The following SLC17A5 variants were observed in gnomAD, a reference collection of about 807,000 sequenced individuals.
SLC17A5 encodes the protein solute carrier family 17 member 5.
SLC17A5 carries 47 observed loss-of-function variants against 59.4 expected under a neutral mutation model. That is an observed-to-expected ratio of 0.79 (90% CI 0.63 to 1.01). The LOEUF is 1.01. Among genes scored for constraint, SLC17A5 ranks in the 50% least tolerant of loss-of-function variants. The pLI is 0.00. For synonymous variants in SLC17A5, 202 were observed against 210.7 expected (o/e 0.96, Z 0.36); for missense variants, 522 against 595.5 (o/e 0.88, Z 1.28).
chr6:73,602,459 A>G (rs1268027927), intron 9 of SLC17A5, among the ~76,000 whole-genome samples: 1 of 151,552 alleles, frequency 6.6e-6, no homozygotes, highest in East Asian at 1.9e-4. Context: ...ATTAACAACA[A>G]CAACAACAAC....
At chr6:73,647,964 G>A (rs1769661506) in intron 1 of SLC17A5, among the ~76,000 whole-genome samples, 1 of 152,150 alleles carries the variant, frequency 6.6e-6, no homozygotes, top group African/African-American at 2.4e-5. Context: ...AGCTACTCGG[G>A]AGGTTGAGGC....
At chr6:73,617,328 C>A (rs903775437) in intron 7 of SLC17A5, among the ~76,000 whole-genome samples, 30 of 151,684 alleles carry the variant, frequency 2.0e-4, no homozygotes, top group African/African-American at 7.0e-4. Flanking sequence ...GAAAAAAAAA[C>A]ACAATTCCAT....
chr6:73,619,798 ATATTT>A (rs1316043991), intron 7 of SLC17A5, among the ~76,000 whole-genome samples: 2 of 152,094 alleles, frequency 1.3e-5, no homozygotes, highest in Non-Finnish European at 2.9e-5. Context: ...CCAGCTATTG[ATATTT>A]TATTTCTTCC....
intron 9 of SLC17A5, among the ~76,000 whole-genome samples, chr6:73,604,089 C>T (rs141900305): frequency 7.9e-5 from 12 of 152,166 alleles, no homozygotes; most frequent in Non-Finnish European, 1.2e-4. Context: ...TTGGCTCATC[C>T]CCTTTAGGGG....
rs548244218 is a variant in SLC17A5, at chr6:73,636,940, G to A, written c.614-233C>T. On this transcript the variant is annotated intron_variant, in intron 4 of 10. Coordinates refer to ENST00000355773, the MANE Select transcript of SLC17A5 (RefSeq NM_012434.5). ...TACTAAAAATACAAAAATTATCTGGGTATGGTGGTGATGCACGCCTGTAGT... is the reference window on the plus strand; with the variant it reads ...TACTAAAAATACAAAAATTATCTGGATATGGTGGTGATGCACGCCTGTAGT... 2.0e-5 allele frequency among the ~76,000 whole-genome samples: 3 copies of A among 152,126 alleles called. No individual in the cohort carries two copies. The South Asian group carries it at 6.2e-4, about 32-fold the overall frequency.
Position 73,653,813 on chromosome 6 carries a change from C to G in SLC17A5, c.74G>C (p.Gly25Ala). 6.3e-7 allele frequency: 1 copy of G among 1,597,820 alleles called. No individual in the cohort carries two copies. The highest frequency in any genetic ancestry group is 8.5e-7 in the Non-Finnish European group (1 of 1,173,612). Residue 25 changes from glycine (G) to alanine (A), a missense_variant, in exon 1 of 11, where the codon GGC becomes GCC. Gly to Ala is a moderately conservative substitution (Grantham distance 60, BLOSUM62 0). Coordinates refer to ENST00000355773, the MANE Select transcript of SLC17A5 (RefSeq NM_012434.5). The part of the protein sequence containing the change: ...ESTDRTPLLP[G>A]APRAEAAPVC... ...CTTACCGGCTTCGGCCCGTGGGGCG[C>G]CCGGTAGAAGAGGCGTGCGGTCCGT...
chr6:73,605,560 A>G (rs1312952874), intron 9 of SLC17A5, among the ~76,000 whole-genome samples: 1 of 152,152 alleles, frequency 6.6e-6, no homozygotes, highest in Non-Finnish European at 1.5e-5. Flanking sequence ...AAGAAAAACT[A>G]AAAAGCTCAT....
chr6:73,647,650 A>G (rs953790424), intron 1 of SLC17A5, among the ~76,000 whole-genome samples: 2 of 152,244 alleles, frequency 1.3e-5, no homozygotes, highest in African/African-American at 4.8e-5. Flanking sequence ...AGGGGCTAGA[A>G]TGTTGAGAAA....
intron 10 of SLC17A5, among the ~76,000 whole-genome samples, chr6:73,596,812 G>A (rs180684305): frequency 1.6e-4 from 24 of 145,892 alleles, no homozygotes; most frequent in South Asian, 8.9e-4. Context: ...GGCTGAGATC[G>A]CTCCACTGCA....
chr6:73,597,376 A>G (rs1766861453), intron 10 of SLC17A5, among the ~76,000 whole-genome samples: 1 of 151,932 alleles, frequency 6.6e-6, no homozygotes, highest in South Asian at 2.1e-4. Context: ...CTGAGGCAGG[A>G]GAATGGCGTG....
intron 6 of SLC17A5, 106 bp from the exon 7 acceptor site, chr6:73,622,068 A>G (rs1768179525): frequency 2.8e-6 from 3 of 1,086,816 alleles, no homozygotes; most frequent in Non-Finnish European, 4.1e-6. Context: ...ATATCACCTT[A>G]ATTAGTAAAC....
chr6:73,629,756 C>T (rs1239120726), intron 6 of SLC17A5, among the ~76,000 whole-genome samples: 1 of 151,816 alleles, frequency 6.6e-6, no homozygotes, highest in African/African-American at 2.4e-5. Context: ...GCCTGGGCAA[C>T]AAGAGAACAA....
chr6:73,596,385 A>G (rs549913484), intron 10 of SLC17A5, among the ~76,000 whole-genome samples: 1 of 152,304 alleles, frequency 6.6e-6, no homozygotes, highest in East Asian at 1.9e-4. Flanking sequence ...ATGGCATACA[A>G]AGCAGGATAT....
chr6:73,636,715 A>G lies in SLC17A5; in HGVS notation c.614-8T>C. On this transcript the variant is annotated splice_region_variant and splice_polypyrimidine_tract_variant and intron_variant, in intron 4 of 10. Transcript: ENST00000355773. ...CTGTCCCAAGCTGTGCTCCTAGAACAACACATAAGACTATTTTATAAACTT... is the reference window on the plus strand; with the variant it reads ...CTGTCCCAAGCTGTGCTCCTAGAACGACACATAAGACTATTTTATAAACTT... 1 of 1,580,418 alleles carries G rather than the reference A, an allele frequency of 6.3e-7. No homozygotes were observed. Among genetic ancestry groups the G allele is most frequent in the Non-Finnish European group, 8.7e-7 (1 of 1,149,242 alleles).
intron 7 of SLC17A5, among the ~76,000 whole-genome samples, chr6:73,615,984 C>T (rs1193863916): frequency 7.0e-6 from 1 of 142,450 alleles, no homozygotes; most frequent in Non-Finnish European, 1.5e-5. Context: ...CTCCTGGGTT[C>T]AAGTGATTCT....
At chr6:73,604,798 T>A (rs1767320648) in intron 9 of SLC17A5, among the ~76,000 whole-genome samples, 1 of 152,098 alleles carries the variant, frequency 6.6e-6, no homozygotes, top group African/African-American at 2.4e-5. Flanking sequence ...TTTCAGTCTA[T>A]AGAAGTAAAG....
At position 73,653,964 on chromosome 6, in the gene SLC17A5, G is replaced by T. The variant is rs1462565829; in HGVS notation, c.-78C>A. 2.3e-6 allele frequency: 3 copies of T among 1,307,730 alleles called. No homozygotes were observed. Among genetic ancestry groups the T allele is most frequent in the South Asian group, 1.3e-5 (1 of 78,750 alleles). The allele number at this position is 1,307,730 out of a possible 1,614,324, so 81.0% of individuals were successfully genotyped here. On this transcript the variant is annotated 5_prime_UTR_variant, in exon 1 of 11. Transcript: ENST00000355773. Reference sequence around the variant, plus strand: ...CCCGACAGCCCGAAGCCCCCGGGCCGAGCTGGCTGGACCGGGCGGGGCGGG... The same window carrying T: ...CCCGACAGCCCGAAGCCCCCGGGCCTAGCTGGCTGGACCGGGCGGGGCGGG...
At chr6:73,642,042 G>A (rs1391902681) in intron 2 of SLC17A5, 118 bp from the exon 3 acceptor site, 3 of 874,872 alleles carry the variant, frequency 3.4e-6, no homozygotes, top group Non-Finnish European at 5.7e-6. Flanking sequence ...TTGGACTGAA[G>A]AACATGCAAA....
intron 6 of SLC17A5, among the ~76,000 whole-genome samples, chr6:73,633,717 A>G (rs1032375565): frequency 1.3e-5 from 2 of 151,858 alleles, no homozygotes; most frequent in African/African-American, 4.8e-5. Context: ...CGTCTCTACT[A>G]AAAATACAAA....
Sources: gnomAD v4.1 joint callset for allele counts (sites outside exome capture counted in the v4.1 genomes callset) on GRCh38, gnomAD v4.1.1 for gene constraint, MANE v1.5 for transcripts, NCBI Gene and HGNC (gene_info 2026-07-23, HGNC 2026-07-21) for gene names.